Variants in CCSER1 observed in about 807,000 individuals in gnomAD.
CCSER1 encodes coiled-coil serine rich protein 1, also known as serine-rich coiled-coil domain-containing protein 1.
A neutral mutation model predicts 82.0 loss-of-function variants in CCSER1; 41 were observed. The ratio of observed to expected loss-of-function variants is 0.50; its 90% CI spans 0.39 to 0.65. The LOEUF is 0.65. CCSER1 is among the 30% of genes least tolerant of loss of function. CCSER1 has a pLI of 0.00. For missense variants in CCSER1, 1,119 were observed against 1,064.2 expected, an observed-to-expected ratio of 1.05 and a Z score of -0.72; for synonymous variants, 414 against 383.9, an observed-to-expected ratio of 1.08 and a Z score of -0.92.
chr4:91,361,374 G>T (rs187548539), intron 10 of CCSER1, among the ~76,000 whole-genome samples: 5 of 151,880 alleles, frequency 3.3e-5, no homozygotes, highest in African/African-American at 9.6e-5. Flanking sequence ...CAGAGAAAAA[G>T]AATCAGCTGG....
chr4:90,247,400 A>T (rs1215710333), intron 1 of CCSER1, among the ~76,000 whole-genome samples: 5 of 152,176 alleles, frequency 3.3e-5, no homozygotes, highest in African/African-American at 1.2e-4. Flanking sequence ...ATATCGGAAT[A>T]ATATAGATAG....
intron 1 of CCSER1, among the ~76,000 whole-genome samples, chr4:90,223,931 T>C (rs571218657): frequency 5.3e-5 from 8 of 152,188 alleles, no homozygotes; most frequent in African/African-American, 1.2e-4. Flanking sequence ...AGGTAGATAA[T>C]GTCTTTTTCA....
rs144962192 is a variant in CCSER1, at chr4:91,409,096, A to G, written c.2218-189476A>G. On this transcript the variant is annotated intron_variant, in intron 10 of 10. Transcript: ENST00000509176. Reference sequence around the variant, plus strand: ...ATGTTATTCACATGGCATCCTCTAGATTTCTGAGGCAAAGACATTGGCAAA... The same window carrying G: ...ATGTTATTCACATGGCATCCTCTAGGTTTCTGAGGCAAAGACATTGGCAAA... 2.0e-5 allele frequency among the ~76,000 whole-genome samples: 3 copies of G among 152,290 alleles called. No individual in the cohort carries two copies. The East Asian group carries it at 5.8e-4, about 29-fold the overall frequency.
intron 7 of CCSER1, among the ~76,000 whole-genome samples, chr4:90,733,066 C>T (rs1428618247): frequency 2.6e-5 from 4 of 152,170 alleles, no homozygotes; most frequent in Admixed American, 6.5e-5. Flanking sequence ...ATTGCTGGAT[C>T]AAATGGTACA....
At chr4:90,769,014 T>C (rs1303621655) in intron 7 of CCSER1, among the ~76,000 whole-genome samples, 1 of 152,026 alleles carries the variant, frequency 6.6e-6, no homozygotes, top group African/African-American at 2.4e-5. Flanking sequence ...AGTCCAAAAA[T>C]GAAAGTGAGG....
Position 90,229,982 on chromosome 4 carries a change from C to T in CCSER1, c.-41-78262C>T, listed in dbSNP as rs189948796. 4.9e-4 allele frequency among the ~76,000 whole-genome samples: 75 copies of T among 152,124 alleles called. 1 individual carries two copies. Among genetic ancestry groups the T allele is most frequent in the South Asian group, 2.3e-3 (11 of 4,810 alleles). On this transcript the variant is annotated intron_variant, in intron 1 of 10. Transcript: ENST00000509176. ...CCAGATTCATAAGGCAAGTCCTGAG[C>T]GACCTACAAAGAGACTTAGACTCCC...
intron 10 of CCSER1, among the ~76,000 whole-genome samples, chr4:91,110,805 G>T (rs1476100129): frequency 6.6e-6 from 1 of 151,824 alleles, no homozygotes; most frequent in Admixed American, 6.6e-5. Context: ...TACAGCAAAT[G>T]ATACTGGTTT....
chr4:90,662,439 A>G (rs1730996433), intron 6 of CCSER1, among the ~76,000 whole-genome samples: 2 of 152,152 alleles, frequency 1.3e-5, no homozygotes, highest in Non-Finnish European at 2.9e-5. Context: ...AATTTTCTGC[A>G]TCTTTTTTTA....
At chr4:91,506,722 T>C (rs989568272) in intron 10 of CCSER1, among the ~76,000 whole-genome samples, 12 of 152,154 alleles carry the variant, frequency 7.9e-5, no homozygotes, top group African/African-American at 2.7e-4. Flanking sequence ...TACAATTAAG[T>C]TGTTTTCAGT....
intron 5 of CCSER1, among the ~76,000 whole-genome samples, chr4:90,475,765 G>T (rs573726926): frequency 6.6e-6 from 1 of 152,282 alleles, no homozygotes; most frequent in South Asian, 2.1e-4. Flanking sequence ...ATGCACCCAT[G>T]ACTAGGGAAC....
intron 5 of CCSER1, among the ~76,000 whole-genome samples, chr4:90,598,522 A>C (rs1335001714): frequency 6.6e-6 from 1 of 152,222 alleles, no homozygotes; most frequent in Non-Finnish European, 1.5e-5. Flanking sequence ...TGTGTGAGGT[A>C]ATGCTTCACA....
At chr4:90,923,477 T>C (rs943646702) in intron 9 of CCSER1, 30 bp downstream of exon 9, 1 of 1,463,562 alleles carries the variant, frequency 6.8e-7, no homozygotes, top group Non-Finnish European at 9.4e-7. Flanking sequence ...CATTTTTAAC[T>C]TCATTATTGG....
At chr4:91,325,647 G>C (rs1746506199) in intron 10 of CCSER1, among the ~76,000 whole-genome samples, 1 of 152,110 alleles carries the variant, frequency 6.6e-6, no homozygotes, top group Non-Finnish European at 1.5e-5. Context: ...TTCATCCATT[G>C]CTCCTTCCAA....
intron 10 of CCSER1, among the ~76,000 whole-genome samples, chr4:91,205,933 A>G (rs1353883869): frequency 6.6e-6 from 1 of 151,908 alleles, no homozygotes; most frequent in Non-Finnish European, 1.5e-5. Context: ...CCCTAGCAAT[A>G]AAGACAGTCT....
chr4:91,487,852 A>G (rs1293307265), intron 10 of CCSER1, among the ~76,000 whole-genome samples: 1 of 152,050 alleles, frequency 6.6e-6, no homozygotes, highest in African/African-American at 2.4e-5. Flanking sequence ...TAGAGTAAAA[A>G]TAGTTTCAAA....
chr4:91,408,099 G>T (rs1002645168), intron 10 of CCSER1, among the ~76,000 whole-genome samples: 2 of 152,044 alleles, frequency 1.3e-5, no homozygotes, highest in African/African-American at 4.8e-5. Flanking sequence ...AGAGATGAAT[G>T]TCTAGAGTAC....
intron 5 of CCSER1, among the ~76,000 whole-genome samples, chr4:90,558,304 A>G (rs1279754117): frequency 6.6e-6 from 1 of 152,208 alleles, no homozygotes; most frequent in Non-Finnish European, 1.5e-5. Context: ...ATTTCAGTGA[A>G]CACATTATAA....
intron 1 of CCSER1, among the ~76,000 whole-genome samples, chr4:90,131,447 G>A (rs954747447): frequency 1.3e-5 from 2 of 152,158 alleles, no homozygotes; most frequent in Non-Finnish European, 1.5e-5. Flanking sequence ...TTATAGTGAG[G>A]TGTTTTCGGT....
At chr4:91,102,394 T>A (rs925623593) in intron 10 of CCSER1, among the ~76,000 whole-genome samples, 6 of 152,144 alleles carry the variant, frequency 3.9e-5, no homozygotes, top group Non-Finnish European at 8.8e-5. Flanking sequence ...AGGTTAGAGT[T>A]TGTGATTTCA....
Sources: allele counts gnomAD v4.1 joint callset (sites outside exome capture counted in the v4.1 genomes callset), GRCh38; gene constraint gnomAD v4.1.1; transcripts MANE v1.5; gene names NCBI Gene and HGNC (gene_info 2026-07-23, HGNC 2026-07-21).